The following KCNQ1 variants were observed in gnomAD, a reference collection of about 807,000 sequenced individuals.
KCNQ1 encodes potassium voltage-gated channel subfamily Q member 1, also known as potassium voltage-gated channel subfamily KQT member 1.
A neutral mutation model predicts 72.4 loss-of-function variants in KCNQ1; 49 were observed. That is an observed-to-expected ratio of 0.68 (90% CI 0.54 to 0.86). The LOEUF is 0.86. Ranked by LOEUF, KCNQ1 falls within the 40% of genes least tolerant of loss-of-function variation. The probability of loss-of-function intolerance (pLI) is 0.00; values close to 1 mark genes in which losing one functional copy is unlikely to be tolerated. For synonymous variants in KCNQ1, 450 were observed against 412.6 expected, an observed-to-expected ratio of 1.09 and a Z score of -1.10; for missense variants, 790 against 945.1, an observed-to-expected ratio of 0.84 and a Z score of 2.15.
At position 2,813,691 on chromosome 11, in the gene KCNQ1, C is replaced by A. The variant is rs538052066; in HGVS notation, c.1795-34076C>A. On this transcript the variant is annotated intron_variant, in intron 15 of 15. Transcript: ENST00000155840. The surrounding 1 kb of genome is among the most constrained non-coding windows in gnomAD (Gnocchi z 4.4). ...CGGTGGTGGGCTGTCACTCCGGAGG[C>A]CAGTGACTGCGTCATCAGTGCCTTT... Among the ~76,000 whole-genome samples the A allele has an allele frequency of 6.6e-6, 1 of 152,288 alleles. No individual in the cohort carries two copies. Among genetic ancestry groups the A allele is most frequent in the African/African-American group, 2.4e-5 (1 of 41,562 alleles).
chr11:2,502,725 C>A (rs1489669955), intron 1 of KCNQ1, among the ~76,000 whole-genome samples: 1 of 152,148 alleles, frequency 6.6e-6, no homozygotes, highest in Admixed American at 6.6e-5. Context: ...CCAGAATAGT[C>A]AAAGCTATCC....
chr11:2,706,266 C>G (rs1374249048), intron 11 of KCNQ1, among the ~76,000 whole-genome samples: 1 of 152,250 alleles, frequency 6.6e-6, no homozygotes, highest in Non-Finnish European at 1.5e-5. Flanking sequence ...CCTCCCTGCC[C>G]TCTCACTGGG....
Position 2,491,788 on chromosome 11 carries a change from C to T in KCNQ1, c.387-36140C>T, listed in dbSNP as rs181647685. Among the ~76,000 whole-genome samples, 8 of 151,986 alleles carry T rather than the reference C, an allele frequency of 5.3e-5. No homozygotes were observed. In the East Asian group the frequency reaches 1.5e-3, roughly 29 times the overall value. The stretch of plus-strand genomic sequence containing the variant: ...CTCAAGGTATTTAATAGTCAAAGTT[C>T]CAAAGGTCAAGGATAAAGAAAGGAT... On this transcript the variant is annotated intron_variant, in intron 1 of 15. Transcript: ENST00000155840. The surrounding 1 kb of genome is among the most constrained non-coding windows in gnomAD (Gnocchi z 4.1).
chr11:2,736,638 T>G (rs1359775844), intron 11 of KCNQ1, among the ~76,000 whole-genome samples: 1 of 151,888 alleles, frequency 6.6e-6, no homozygotes, highest in African/African-American at 2.4e-5. Flanking sequence ...TTACACAGCC[T>G]GCAAACCCCA....
At chr11:2,641,555 G>A (rs968738885) in intron 10 of KCNQ1, 7 of 398,310 alleles carry the variant, frequency 1.8e-5, no homozygotes, top group Admixed American at 8.8e-5. Flanking sequence ...CAGATGAGTA[G>A]TTTGCAAATA....
rs1438736705 is a variant in KCNQ1, at chr11:2,766,824, T to C, written c.1515-2020T>C. Among the ~76,000 whole-genome samples, 2 of 152,236 alleles carry C rather than the reference T, an allele frequency of 1.3e-5. No homozygotes were observed. The highest frequency in any genetic ancestry group is 4.8e-5 in the African/African-American group (2 of 41,458). ...ATGACATTACCTATTTCTTAGTCCTTATTTCTGTATCAGTTACCTATTGTT... is the reference window on the plus strand; with the variant it reads ...ATGACATTACCTATTTCTTAGTCCTCATTTCTGTATCAGTTACCTATTGTT... On this transcript the variant is annotated intron_variant, in intron 11 of 15. Transcript: ENST00000155840. The surrounding 1 kb of genome is among the most constrained non-coding windows in gnomAD (Gnocchi z 4.4).
intron 11 of KCNQ1, chr11:2,689,016 T>C (rs1419572632): frequency 7.5e-6 from 3 of 398,656 alleles, no homozygotes; most frequent in Non-Finnish European, 1.3e-5. Flanking sequence ...TGGGTTGGAA[T>C]CCTGGAGCCC....
intron 2 of KCNQ1, among the ~76,000 whole-genome samples, chr11:2,528,689 C>T (rs576090817): frequency 3.3e-5 from 5 of 152,358 alleles, no homozygotes; most frequent in African/African-American, 1.2e-4. Flanking sequence ...GGTCTAGCAC[C>T]TCTCCGTGGC....
rs1044074736 is a variant in KCNQ1, at chr11:2,691,360, T to G, written c.1514+29279T>G. 19 of 398,490 alleles carry G rather than the reference T, an allele frequency of 4.8e-5. No homozygotes were observed. Among genetic ancestry groups the G allele is most frequent in the Non-Finnish European group, 6.6e-5 (15 of 226,072 alleles). 24.7% of individuals were successfully genotyped at this position (398,490 alleles called of 1,614,324 possible). On this transcript the variant is annotated intron_variant, in intron 11 of 15. Coordinates refer to ENST00000155840, the MANE Select transcript of KCNQ1 (RefSeq NM_000218.3). This position sits in a 1 kb window ranked among gnomAD's most constrained non-coding sequence, Gnocchi z 6.4. Reference sequence around the variant, plus strand: ...CTTACAGTGACCACCCATCCTGACATCTTGGGCTCAGGCCTCTGGGTCTGG... The same window carrying G: ...CTTACAGTGACCACCCATCCTGACAGCTTGGGCTCAGGCCTCTGGGTCTGG...
intron 2 of KCNQ1, among the ~76,000 whole-genome samples, chr11:2,555,002 G>A (rs1472714147): frequency 6.6e-6 from 1 of 152,208 alleles, no homozygotes; most frequent in East Asian, 1.9e-4. Flanking sequence ...CACACGCGCT[G>A]ACACACGTGC....
chr11:2,590,500 T>C (rs902245604), intron 10 of KCNQ1, among the ~76,000 whole-genome samples: 1 of 152,224 alleles, frequency 6.6e-6, no homozygotes, highest in African/African-American at 2.4e-5. Flanking sequence ...CATGAAACAG[T>C]GGCCTTGCCC....
intron 1 of KCNQ1, among the ~76,000 whole-genome samples, chr11:2,454,944 A>C (rs1846166000): frequency 1.3e-5 from 2 of 152,214 alleles, no homozygotes; most frequent in South Asian, 4.1e-4. Flanking sequence ...AAAGAAATAA[A>C]AGGGGATCCA....
rs1219088851 is a variant in KCNQ1, at chr11:2,668,248, G to C, written c.1514+6167G>C. On this transcript the variant is annotated intron_variant, in intron 11 of 15. Coordinates refer to ENST00000155840, the MANE Select transcript of KCNQ1 (RefSeq NM_000218.3). The surrounding 1 kb of genome is among the most constrained non-coding windows in gnomAD (Gnocchi z 4.3). ...CTGTGGCCAGCAGGCAGTTTCTGGT[G>C]TAGGTTGCTGTTTAAGAATATTCTG... The C allele has an allele frequency of 2.5e-6, 1 of 398,536 alleles. No homozygotes were observed. Among genetic ancestry groups the C allele is most frequent in the African/African-American group, 2.1e-5 (1 of 48,620 alleles). 24.7% of individuals were successfully genotyped at this position (398,536 alleles called of 1,614,324 possible). A position where few individuals can be genotyped will look rare whatever the true frequency, so the allele number is the denominator to read the frequency against.
At chr11:2,467,857 G>A (rs1846373948) in intron 1 of KCNQ1, among the ~76,000 whole-genome samples, 1 of 152,238 alleles carries the variant, frequency 6.6e-6, no homozygotes, top group Admixed American at 6.5e-5. Context: ...CTGCTGGATG[G>A]CATGGGCCAC....
At position 2,769,089 on chromosome 11, in the gene KCNQ1, A is replaced by G. The variant is rs1328132654; in HGVS notation, c.1590+170A>G. 6.6e-6 allele frequency among the ~76,000 whole-genome samples: 1 copy of G among 151,462 alleles called. No homozygotes were observed. The highest frequency in any genetic ancestry group is 1.5e-5 in the Non-Finnish European group (1 of 67,884). On this transcript the variant is annotated intron_variant, in intron 12 of 15. Transcript: ENST00000155840. This position sits in a 1 kb window ranked among gnomAD's most constrained non-coding sequence, Gnocchi z 4.6. ...GACCTGACAGTGCCTACCCCACCGA[A>G]CCCCAGACAGCAGGCCCCTCAGAGG...
intron 1 of KCNQ1, among the ~76,000 whole-genome samples, chr11:2,504,246 A>G (rs1316135493): frequency 2.0e-5 from 3 of 152,314 alleles, no homozygotes; most frequent in East Asian, 1.9e-4. Context: ...CAAACTTTGC[A>G]TGTTCTCACT....
intron 15 of KCNQ1, among the ~76,000 whole-genome samples, chr11:2,791,893 C>A (rs902637062): frequency 1.1e-4 from 17 of 152,240 alleles, no homozygotes; most frequent in Non-Finnish European, 1.2e-4. Flanking sequence ...ATGGCTGACG[C>A]GGCGCACGGC....
intron 10 of KCNQ1, chr11:2,639,557 G>C (rs1472397504): frequency 2.0e-5 from 3 of 152,532 alleles, no homozygotes; most frequent in Non-Finnish European, 2.9e-5. Flanking sequence ...GTTGCTGCCT[G>C]ATTGTTCCTC....
At chr11:2,533,532 G>T (rs1182585310) in intron 2 of KCNQ1, among the ~76,000 whole-genome samples, 1 of 152,262 alleles carries the variant, frequency 6.6e-6, no homozygotes, top group Non-Finnish European at 1.5e-5. Context: ...GTCTGTGGAA[G>T]TGGCACACGT....
Sources: gnomAD v4.1 joint callset for allele counts (sites outside exome capture counted in the v4.1 genomes callset) on GRCh38, gnomAD v4.1.1 for gene constraint, Gnocchi (gnomAD v3.1) non-coding constraint, MANE v1.5 for transcripts, NCBI Gene and HGNC (gene_info 2026-07-23, HGNC 2026-07-21) for gene names.